The following MITF variants were observed in gnomAD, a reference collection of about 807,000 sequenced individuals.
MITF encodes microphthalmia-associated transcription factor.
In MITF, 17 loss-of-function variants were observed where a neutral mutation model predicts 60.5. The ratio of observed to expected loss-of-function variants is 0.28; its 90% CI spans 0.19 to 0.42. The LOEUF is 0.42. MITF is among the 10% of genes least tolerant of loss of function. The pLI is 1.00. For synonymous variants in MITF, 260 were observed against 248.5 expected, an observed-to-expected ratio of 1.05 and a Z score of -0.43; for missense variants, 622 against 683.5, an observed-to-expected ratio of 0.91 and a Z score of 1.00.
chr3:69,869,791 G>T (rs764732714), intron 1 of MITF, among the ~76,000 whole-genome samples: 1 of 152,060 alleles, frequency 6.6e-6, no homozygotes, highest in African/African-American at 2.4e-5. Flanking sequence ...AAAAGGAACC[G>T]ATAGGCTGAA....
intron 1 of MITF, among the ~76,000 whole-genome samples, chr3:69,870,117 A>G (rs2064195567): frequency 6.6e-6 from 1 of 151,490 alleles, no homozygotes; most frequent in Non-Finnish European, 1.5e-5. Context: ...ATGCTATAGT[A>G]CAGTTGCCGT....
At chr3:69,797,975 T>C (rs2062857949) in intron 1 of MITF, among the ~76,000 whole-genome samples, 1 of 152,226 alleles carries the variant, frequency 6.6e-6, no homozygotes, top group Non-Finnish European at 1.5e-5. Flanking sequence ...TAGTTTTCAT[T>C]TTTAATTAAT....
chr3:69,806,088 T>A (rs957594388), intron 1 of MITF, among the ~76,000 whole-genome samples: 2 of 138,298 alleles, frequency 1.4e-5, no homozygotes, highest in Admixed American at 7.2e-5. Context: ...GCAGAGCCAA[T>A]TTTTTTTTTT....
At chr3:69,803,926 G>A (rs1406408444) in intron 1 of MITF, among the ~76,000 whole-genome samples, 1 of 151,634 alleles carries the variant, frequency 6.6e-6, no homozygotes, top group South Asian at 2.1e-4. Context: ...TATAGTCACC[G>A]CAAATTAGCT....
intron 1 of MITF, chr3:69,769,353 A>C (rs2062355842): frequency 2.0e-5 from 3 of 152,186 alleles, no homozygotes; most frequent in Admixed American, 2.0e-4. Context: ...TATCTTACTC[A>C]ACTATTTTTC....
At chr3:69,853,863 CT>C (rs571942610) in intron 1 of MITF, among the ~76,000 whole-genome samples, 3,372 of 135,546 alleles carry the variant, frequency 0.025, 53 homozygotes, top group African/African-American at 0.077. Context: ...TCTCTTTCGT[CT>C]TTTTTTTTTT....
intron 2 of MITF, among the ~76,000 whole-genome samples, chr3:69,895,296 G>T (rs1413157332): frequency 6.6e-6 from 1 of 152,154 alleles, no homozygotes; most frequent in Non-Finnish European, 1.5e-5. Context: ...CTTGAGGGTG[G>T]CAACAGGTGA....
intron 1 of MITF, among the ~76,000 whole-genome samples, chr3:69,817,420 A>ATAC (rs2063198651): frequency 1.3e-5 from 2 of 152,118 alleles, no homozygotes; most frequent in Non-Finnish European, 2.9e-5. Flanking sequence ...TGAATTAAAC[A>ATAC]TGCAAGTTGC....
At chr3:69,947,130 G>A (rs2066117123) in intron 5 of MITF, among the ~76,000 whole-genome samples, 1 of 152,140 alleles carries the variant, frequency 6.6e-6, no homozygotes, top group Non-Finnish European at 1.5e-5. Flanking sequence ...ATAACACAGT[G>A]AGTTTTGCAT....
intron 1 of MITF, chr3:69,838,465 C>A (rs1263822316): frequency 1.3e-5 from 2 of 152,538 alleles, no homozygotes; most frequent in African/African-American, 4.8e-5. Flanking sequence ...ATCCACTGTA[C>A]ATTTGCAGAA....
chr3:69,951,901 T>C lies in MITF; in HGVS notation c.955+15T>C. The C allele has an allele frequency of 6.3e-7, 1 of 1,586,898 alleles. No individual in the cohort carries two copies. The highest frequency in any genetic ancestry group is 8.7e-7 in the Non-Finnish European group (1 of 1,155,904). On this transcript the variant is annotated intron_variant, in intron 7 of 9. Coordinates refer to ENST00000352241, the MANE Select transcript of MITF (RefSeq NM_001354604.2). ...TCACAACCTGAGTAAGTTGGTTTTA[T>C]TTATGTTCATGACATTTGATATTAA...
intron 1 of MITF, among the ~76,000 whole-genome samples, chr3:69,821,104 C>A (rs897632224): frequency 1.3e-5 from 2 of 152,018 alleles, no homozygotes; most frequent in Admixed American, 6.6e-5. Flanking sequence ...AAACAGGAAC[C>A]CTTTGATTCT....
At chr3:69,757,043 A>G (rs1371495237) in intron 1 of MITF, among the ~76,000 whole-genome samples, 1 of 152,102 alleles carries the variant, frequency 6.6e-6, no homozygotes, top group Non-Finnish European at 1.5e-5. Context: ...CCTTTGTTAG[A>G]TGGATAGATT....
chr3:69,790,708 C>T (rs1197034393), intron 1 of MITF, among the ~76,000 whole-genome samples: 1 of 152,136 alleles, frequency 6.6e-6, no homozygotes, highest in Non-Finnish European at 1.5e-5. Context: ...CTATATCTCG[C>T]TTCTCTTGGA....
At chr3:69,881,240 C>T (rs966178887) in intron 2 of MITF, among the ~76,000 whole-genome samples, 11 of 152,004 alleles carry the variant, frequency 7.2e-5, no homozygotes, top group South Asian at 4.1e-4. Flanking sequence ...TACAGCTGGA[C>T]GACATACTCT....
chr3:69,937,889 A>T lies in MITF; in HGVS notation c.422A>T (p.Gln141Leu), dbSNP rs2065879768. ...IQQAQRQQVK[Q>L]YLSTTLANKH... ...CAAGCCCAACGGCAGCAGGTAAAGC[A>T]GTACCTTTCTACCACTTTAGCAAAT... The change falls in exon 3 of 10, where the codon CAG becomes CTG. Residue 141 changes from glutamine to leucine, a missense_variant. Physicochemically the swap from Gln to Leu is moderately radical, Grantham distance 113. This residue lies in a region of MITF where 215 missense variants were observed against 224.8 expected (regional missense o/e 0.96). Coordinates refer to ENST00000352241, the MANE Select transcript of MITF (RefSeq NM_001354604.2). 6.2e-7 allele frequency: 1 copy of T among 1,614,032 alleles called. No individual in the cohort carries two copies. The highest frequency in any genetic ancestry group is 1.3e-5 in the African/African-American group (1 of 74,948).
chr3:69,920,207 G>A (rs555822323), intron 2 of MITF, among the ~76,000 whole-genome samples: 329 of 152,316 alleles, frequency 2.2e-3, no homozygotes, highest in Non-Finnish European at 3.7e-3. Context: ...TAGCGGTGAT[G>A]CCAGCATCTG....
intron 1 of MITF, among the ~76,000 whole-genome samples, chr3:69,743,148 A>G (rs543760553): frequency 6.6e-4 from 101 of 152,284 alleles, no homozygotes; most frequent in Non-Finnish European, 1.2e-4. Flanking sequence ...GTCCAGCAGC[A>G]TCCCTGGCCT....
intron 1 of MITF, among the ~76,000 whole-genome samples, chr3:69,821,929 G>C (rs1350751098): frequency 6.6e-6 from 1 of 152,062 alleles, no homozygotes; most frequent in East Asian, 1.9e-4. Context: ...TTTTAGTAGA[G>C]ATGGGGTTTC....
Sources: gnomAD v4.1 joint callset for allele counts (sites outside exome capture counted in the v4.1 genomes callset) on GRCh38, gnomAD v4.1.1 for gene constraint, gnomAD v4.1.1 regional missense constraint, MANE v1.5 for transcripts, NCBI Gene and HGNC (gene_info 2026-07-23, HGNC 2026-07-21) for gene names.